Variants in ME1 observed in about 807,000 individuals in gnomAD.
The protein encoded by ME1 is malic enzyme 1.
A neutral mutation model predicts 66.4 loss-of-function variants in ME1; 74 were observed. That is an observed-to-expected ratio of 1.11 (90% CI 0.92 to 1.35). The LOEUF is 1.35. Among genes scored for constraint, ME1 ranks in the 40% most tolerant of loss-of-function variants. The probability of loss-of-function intolerance (pLI) is 0.00; values close to 1 mark genes in which losing one functional copy is unlikely to be tolerated. For missense variants in ME1, 750 were observed against 694.1 expected (o/e 1.08, Z -0.90); for synonymous variants, 251 against 235.6 (o/e 1.07, Z -0.60).
At chr6:83,340,029 G>A (rs1768548202) in intron 5 of ME1, among the ~76,000 whole-genome samples, 1 of 151,008 alleles carries the variant, frequency 6.6e-6, no homozygotes, top group Non-Finnish European at 1.5e-5. Flanking sequence ...AAGAATAGCA[G>A]AATAGAATAT....
intron 6 of ME1, among the ~76,000 whole-genome samples, chr6:83,270,650 C>A (rs189895838): frequency 6.6e-6 from 1 of 152,270 alleles, no homozygotes; most frequent in Admixed American, 6.5e-5. Flanking sequence ...AGAGGGGTTT[C>A]TTCACTCAGC....
chr6:83,416,853 G>A (rs1770168323), intron 1 of ME1, among the ~76,000 whole-genome samples: 1 of 149,790 alleles, frequency 6.7e-6, no homozygotes, highest in South Asian at 2.1e-4. Flanking sequence ...TCAAGATCAT[G>A]CCACTGCACT....
intron 3 of ME1, among the ~76,000 whole-genome samples, chr6:83,386,454 G>C (rs994777845): frequency 1.1e-4 from 16 of 151,938 alleles, no homozygotes; most frequent in Non-Finnish European, 1.8e-4. Flanking sequence ...TGGTTCACCT[G>C]GGCAGCTCTA....
chr6:83,395,353 C>T (rs1769709648), intron 3 of ME1, among the ~76,000 whole-genome samples: 1 of 151,964 alleles, frequency 6.6e-6, no homozygotes, highest in South Asian at 2.1e-4. Context: ...TCCCAAAGTC[C>T]TGGAATTACA....
intron 3 of ME1, among the ~76,000 whole-genome samples, chr6:83,391,869 AC>A (rs1769628216): frequency 6.6e-6 from 1 of 152,280 alleles, no homozygotes; most frequent in African/African-American, 2.4e-5. Flanking sequence ...TTCCAATGAG[AC>A]CCACAGTGTC....
chr6:83,421,780 C>T, intron 1 of ME1, among the ~76,000 whole-genome samples: 1 of 152,198 alleles, frequency 6.6e-6, no homozygotes, highest in East Asian at 1.9e-4. Flanking sequence ...TTCCACCTCT[C>T]TAGTCCCAAC....
intron 8 of ME1, among the ~76,000 whole-genome samples, chr6:83,239,041 T>C (rs1790462920): frequency 6.6e-6 from 1 of 151,856 alleles, no homozygotes; most frequent in Non-Finnish European, 1.5e-5. Flanking sequence ...ATTTAAAATA[T>C]TTTGGGATTT....
At chr6:83,304,712 A>G (rs951650005) in intron 6 of ME1, among the ~76,000 whole-genome samples, 4 of 152,196 alleles carry the variant, frequency 2.6e-5, no homozygotes, top group Admixed American at 1.3e-4. Context: ...CTTGCTTTAT[A>G]GTTAGTGAAA....
chr6:83,398,703 G>C (rs1275056367), intron 2 of ME1, among the ~76,000 whole-genome samples, 187 bp from the exon 3 acceptor site: 1 of 152,206 alleles, frequency 6.6e-6, no homozygotes, highest in Non-Finnish European at 1.5e-5. Context: ...CGGGCACAGT[G>C]GTTCATGCCT....
Position 83,344,109 on chromosome 6 carries a change from T to TAAA in ME1, c.600+2061_600+2063dup, listed in dbSNP as rs561027558. Among the ~76,000 whole-genome samples, 1,149 of 126,850 alleles carry TAAA rather than the reference T, an allele frequency of 9.1e-3. 12 individuals are homozygous for TAAA. Among genetic ancestry groups the TAAA allele is most frequent in the African/African-American group, 0.031 (1,081 of 34,776 alleles). The allele number at this position is 126,850 out of a possible 152,430, so 83.2% of individuals were successfully genotyped here. ...GCAACATACATAGCAAGACCCCGTC[T>TAAA]AAAAAAAAAAAAAAAGGTTAAAAAA... is the stretch of plus-strand genomic sequence containing the variant. On this transcript the variant is annotated intron_variant, in intron 5 of 13. Coordinates refer to ENST00000369705, the MANE Select transcript of ME1 (RefSeq NM_002395.6).
Position 83,346,317 on chromosome 6 carries a change from A to C in ME1, c.456T>G (p.Asp152Glu). 6.2e-7 allele frequency: 1 copy of C among 1,607,830 alleles called. No individual in the cohort carries two copies. The highest frequency in any genetic ancestry group is 8.5e-7 in the Non-Finnish European group (1 of 1,176,840). ...CTCCCAAGCCAAGAATACGCTCTCC[A>C]TCAGTCACCACAATGGCCTGGAAGA... ...EDVIKAIVVT[D>E]GERILGLGDL... The change falls in exon 5 of 14, where the codon GAT becomes GAG. Residue 152 changes from aspartate to glutamate, a missense_variant. Physicochemically the swap from Asp to Glu is conservative, Grantham distance 45. Coordinates refer to ENST00000369705, the MANE Select transcript of ME1 (RefSeq NM_002395.6).
intron 9 of ME1, among the ~76,000 whole-genome samples, chr6:83,231,223 C>T (rs183623584): frequency 1.0e-3 from 155 of 151,846 alleles, no homozygotes; most frequent in Non-Finnish European, 1.8e-3. Flanking sequence ...AAGATATATA[C>T]TTAATCATAA....
At chr6:83,293,261 A>G (rs1767536765) in intron 6 of ME1, among the ~76,000 whole-genome samples, 1 of 152,178 alleles carries the variant, frequency 6.6e-6, no homozygotes, top group African/African-American at 2.4e-5. Context: ...GAGCGTTCCT[A>G]TTCGGCCATC....
At chr6:83,280,266 AC>A (rs1439375639) in intron 6 of ME1, among the ~76,000 whole-genome samples, 1 of 152,214 alleles carries the variant, frequency 6.6e-6, no homozygotes. Flanking sequence ...AAAAATAATA[AC>A]AACAACAATA....
At chr6:83,411,349 G>A (rs183405576) in intron 1 of ME1, among the ~76,000 whole-genome samples, 2 of 151,496 alleles carry the variant, frequency 1.3e-5, no homozygotes, top group Admixed American at 1.3e-4. Flanking sequence ...AGGTGACAGA[G>A]CAAGACTCCG....
chr6:83,255,991 T>A (rs1482679330), intron 6 of ME1, among the ~76,000 whole-genome samples: 1 of 152,190 alleles, frequency 6.6e-6, no homozygotes, highest in East Asian at 1.9e-4. Context: ...CCTACAGCTT[T>A]ATAGTAATTT....
At chr6:83,402,118 A>G (rs1204858077) in intron 2 of ME1, among the ~76,000 whole-genome samples, 1 of 152,196 alleles carries the variant, frequency 6.6e-6, no homozygotes, top group Admixed American at 6.5e-5. Context: ...TAGTTTTACA[A>G]TGTTTCCCAA....
At chr6:83,265,871 T>C (rs1002041532) in intron 6 of ME1, among the ~76,000 whole-genome samples, 5 of 152,246 alleles carry the variant, frequency 3.3e-5, no homozygotes, top group African/African-American at 1.2e-4. Context: ...GGTAACTTTC[T>C]ATCCTTTTTC....
chr6:83,306,993 A>G (rs1273781527), intron 6 of ME1, among the ~76,000 whole-genome samples: 1 of 152,166 alleles, frequency 6.6e-6, no homozygotes, highest in African/African-American at 2.4e-5. Context: ...TAAAAGGAAG[A>G]GTTGTAAACC....
Sources: allele counts gnomAD v4.1 joint callset (sites outside exome capture counted in the v4.1 genomes callset), GRCh38; gene constraint gnomAD v4.1.1; transcripts MANE v1.5; gene names NCBI Gene and HGNC (gene_info 2026-07-23, HGNC 2026-07-21).